The following SDK2 variants were observed in gnomAD, a reference collection of about 807,000 sequenced individuals.
The protein encoded by SDK2 is protein sidekick-2.
A neutral mutation model predicts 253.9 loss-of-function variants in SDK2; 105 were observed. The observed-to-expected ratio is 0.41, with a 90% CI of 0.35 to 0.49. The LOEUF is 0.49. Among genes scored for constraint, SDK2 ranks in the 20% least tolerant of loss-of-function variants. The pLI, the probability that SDK2 is intolerant of heterozygous loss-of-function variation, is 0.06. For synonymous variants in SDK2, 1,249 were observed against 1,234.9 expected, an observed-to-expected ratio of 1.01 and a Z score of -0.24; for missense variants, 2,608 against 3,003.0, an observed-to-expected ratio of 0.87 and a Z score of 3.07.
intron 2 of SDK2, among the ~76,000 whole-genome samples, chr17:73,491,785 G>A (rs1305586201): frequency 6.6e-6 from 1 of 152,208 alleles, no homozygotes; most frequent in Non-Finnish European, 1.5e-5. Context: ...TGCCTTCAGA[G>A]ATACCAAGTG....
chr17:73,404,446 T>G (rs1254341316), intron 18 of SDK2, among the ~76,000 whole-genome samples: 1 of 152,142 alleles, frequency 6.6e-6, no homozygotes, highest in African/African-American at 2.4e-5. Context: ...ACAACAGGGC[T>G]TCCACCTGTT....
In SDK2 at chr17:73,455,298, G is replaced by A. The variant is rs1373937072; in HGVS notation, c.479+608C>T. On this transcript the variant is annotated intron_variant, in intron 4 of 44. Transcript: ENST00000392650. This position sits in a 1 kb window ranked among gnomAD's most constrained non-coding sequence, Gnocchi z 5.0. ...GGAACTGCTTTGTTGCTCGCCTTCT[G>A]CGGAGGTGTGGGGTGTTGGCTCCAT... Among the ~76,000 whole-genome samples the A allele has an allele frequency of 6.6e-6, 1 of 152,184 alleles. No individual in the cohort carries two copies. The highest frequency in any genetic ancestry group is 1.5e-5 in the Non-Finnish European group (1 of 68,020).
chr17:73,417,505 G>A (rs912310824), intron 16 of SDK2, among the ~76,000 whole-genome samples: 2 of 149,440 alleles, frequency 1.3e-5, no homozygotes, highest in East Asian at 2.2e-4. Context: ...TGTAATTTAA[G>A]TAACCAGAGC....
chr17:73,533,110 C>T (rs756250004), intron 1 of SDK2, among the ~76,000 whole-genome samples: 2 of 152,202 alleles, frequency 1.3e-5, no homozygotes, highest in Admixed American at 6.5e-5. Flanking sequence ...ACCCTCATGC[C>T]CCTACGGGAC....
chr17:73,423,875 C>A, intron 13 of SDK2, 41 bp downstream of exon 13: 1 of 1,492,554 alleles, frequency 6.7e-7, no homozygotes. Flanking sequence ...GTTGCTATTG[C>A]CTGGACCGCC....
At position 73,405,515 on chromosome 17, in the gene SDK2, T is replaced by TAAAA. The variant is rs1599532673; in HGVS notation, c.2485-3375_2485-3374insTTTT. ...ATATATATATATATATATATATATA[T>TAAAA]ATAAAGATCGAGAATGTGGAAAGTA... On this transcript the variant is annotated intron_variant, in intron 18 of 44. Transcript: ENST00000392650. Among the ~76,000 whole-genome samples, 21 of 46,908 alleles carry TAAAA rather than the reference T, an allele frequency of 4.5e-4. 3 individuals are homozygous for TAAAA. Among genetic ancestry groups the TAAAA allele is most frequent in the Non-Finnish European group, 4.8e-4 (12 of 24,830 alleles). The allele number at this position is 46,908 out of a possible 152,430, so 30.8% of individuals were successfully genotyped here. A position where few individuals can be genotyped will look rare whatever the true frequency, so the allele number is the denominator to read the frequency against.
rs530638519 is a variant in SDK2 at position 73,411,024 on chromosome 17, G to A, written c.2484+3620C>T. Reference sequence around the variant, plus strand: ...CAAGAAGCTAATTGTTCCCAGTTCAGCTCCTCTGCTCTTCAGCAATGCCGG... The same window carrying A: ...CAAGAAGCTAATTGTTCCCAGTTCAACTCCTCTGCTCTTCAGCAATGCCGG... On this transcript the variant is annotated intron_variant, in intron 18 of 44. Transcript: ENST00000392650. Among the ~76,000 whole-genome samples the A allele has an allele frequency of 2.0e-5, 3 of 152,342 alleles. No individual in the cohort carries two copies. In the South Asian group the frequency reaches 6.2e-4, roughly 32 times the overall value.
intron 2 of SDK2, among the ~76,000 whole-genome samples, chr17:73,501,511 GT>G (rs1279820808): frequency 2.0e-5 from 3 of 152,214 alleles, no homozygotes; most frequent in African/African-American, 7.2e-5. Flanking sequence ...ATTTTGCTTT[GT>G]TTCCTTGCTG....
At chr17:73,524,097 C>T (rs888153169) in intron 1 of SDK2, among the ~76,000 whole-genome samples, 3 of 152,176 alleles carry the variant, frequency 2.0e-5, no homozygotes, top group African/African-American at 7.2e-5. Flanking sequence ...TTCCTACTGG[C>T]TACTTCTCCA....
chr17:73,546,635 G>A (rs1306411607), intron 1 of SDK2, among the ~76,000 whole-genome samples: 1 of 152,222 alleles, frequency 6.6e-6, no homozygotes, highest in Non-Finnish European at 1.5e-5. Context: ...TGGGCAGCAG[G>A]TGTGGCTCAG....
At chr17:73,375,230 C>CTTTTT (rs33992958) in intron 36 of SDK2, among the ~76,000 whole-genome samples, 5 of 58,660 alleles carry the variant, frequency 8.5e-5, no homozygotes, top group African/African-American at 3.5e-4. Flanking sequence ...TCCTAACAAC[C>CTTTTT]TTTTTTTTTT....
At chr17:73,369,452 T>C (rs1299773616) in intron 36 of SDK2, among the ~76,000 whole-genome samples, 1 of 152,232 alleles carries the variant, frequency 6.6e-6, no homozygotes, top group African/African-American at 2.4e-5. Context: ...CTGCACCGCA[T>C]ACAGCAGCGG....
Position 73,431,803 on chromosome 17 carries a change from T to G in SDK2, c.1313-134A>C. On this transcript the variant is annotated intron_variant, in intron 10 of 44. Coordinates refer to ENST00000392650, the MANE Select transcript of SDK2 (RefSeq NM_001144952.2). This position sits in a 1 kb window ranked among gnomAD's most constrained non-coding sequence, Gnocchi z 5.6. ...AAATGCTGGAAGGAATGAGGACAGA[T>G]GGCGGTGGGGCTGGGGTGGGGGCTG... 2 of 944,992 alleles carry G rather than the reference T, an allele frequency of 2.1e-6. No homozygotes were observed. The highest frequency in any genetic ancestry group is 1.5e-6 in the Non-Finnish European group (1 of 661,492). 58.5% of individuals were successfully genotyped at this position (944,992 alleles called of 1,614,324 possible). A position where few individuals can be genotyped will look rare whatever the true frequency, so the allele number is the denominator to read the frequency against.
intron 18 of SDK2, among the ~76,000 whole-genome samples, chr17:73,404,800 C>T (rs1031277231): frequency 1.5e-4 from 23 of 152,100 alleles, no homozygotes; most frequent in Non-Finnish European, 2.8e-4. Flanking sequence ...TTCTGGGGAA[C>T]GAGCATTAGA....
chr17:73,497,875 C>T (rs939984860), intron 2 of SDK2, among the ~76,000 whole-genome samples: 13 of 152,200 alleles, frequency 8.5e-5, no homozygotes, highest in African/African-American at 3.1e-4. Context: ...CTTGATCTCG[C>T]CCCAGTGTCC....
At chr17:73,451,563 G>A (rs1029980897) in intron 4 of SDK2, among the ~76,000 whole-genome samples, 1 of 152,144 alleles carries the variant, frequency 6.6e-6, no homozygotes, top group African/African-American at 2.4e-5. Flanking sequence ...AACTTCTATG[G>A]TGTGAAGTCA....
chr17:73,575,910 T>C (rs896150443), intron 1 of SDK2, among the ~76,000 whole-genome samples: 9 of 151,704 alleles, frequency 5.9e-5, no homozygotes, highest in African/African-American at 2.2e-4. Flanking sequence ...AGAGGAGGTA[T>C]AAAAAGGGAG....
At chr17:73,495,619 C>CGTGTGTGT (rs60091992) in intron 2 of SDK2, among the ~76,000 whole-genome samples, 24,297 of 148,392 alleles carry the variant, frequency 0.16, 2,073 homozygotes, top group Middle Eastern at 0.2. Context: ...AGGCCTGCCC[C>CGTGTGTGT]GTGTGTGTGT....
At chr17:73,446,292 T>TG in intron 5 of SDK2, among the ~76,000 whole-genome samples, 1 of 152,298 alleles carries the variant, frequency 6.6e-6, no homozygotes, top group South Asian at 2.1e-4. Flanking sequence ...CCCCAGGGTA[T>TG]GGGCTGGGGC....
Sources: allele counts gnomAD v4.1 joint callset (sites outside exome capture counted in the v4.1 genomes callset), GRCh38; gene constraint gnomAD v4.1.1; non-coding constraint Gnocchi (gnomAD v3.1); transcripts MANE v1.5; gene names NCBI Gene and HGNC (gene_info 2026-07-23, HGNC 2026-07-21).